TLE1: variants seen among roughly 807,000 people sequenced by gnomAD.
TLE1 encodes TLE family member 1, transcriptional corepressor, also known as transducin-like enhancer protein 1.
In TLE1, 21 loss-of-function variants were observed where a neutral mutation model predicts 89.8. The observed-to-expected ratio is 0.23, with a 90% CI of 0.17 to 0.34. TLE1 has a LOEUF of 0.34. Among genes scored for constraint, TLE1 ranks in the 10% least tolerant of loss-of-function variants. The probability of loss-of-function intolerance (pLI) is 1.00; values close to 1 mark genes in which losing one functional copy is unlikely to be tolerated. For missense variants in TLE1, 795 were observed against 1,031.2 expected, an observed-to-expected ratio of 0.77 and a Z score of 3.14; for synonymous variants, 447 against 407.6, an observed-to-expected ratio of 1.10 and a Z score of -1.16.
chr9:81,597,770 G>A (rs1389171172), intron 14 of TLE1, among the ~76,000 whole-genome samples: 1 of 152,174 alleles, frequency 6.6e-6, no homozygotes, highest in African/African-American at 2.4e-5. Context: ...TTAAGAGCAA[G>A]GGGCTTTTCA....
At chr9:81,666,977 G>A (rs1052914620) in intron 4 of TLE1, among the ~76,000 whole-genome samples, 1 of 151,688 alleles carries the variant, frequency 6.6e-6, no homozygotes, top group Admixed American at 6.6e-5. Flanking sequence ...AAAATTAGCC[G>A]GGTGTGGTGG....
chr9:81,592,272 G>A (rs992812830), intron 15 of TLE1, among the ~76,000 whole-genome samples: 12 of 152,204 alleles, frequency 7.9e-5, no homozygotes, highest in Non-Finnish European at 1.0e-4. Flanking sequence ...GCAGGAGAAC[G>A]GCGTAAACCC....
rs376585098 is a variant in TLE1 at position 81,620,576 on chromosome 9, A to G, written c.595-19T>C. The G allele has an allele frequency of 1.1e-4, 177 of 1,598,816 alleles. No homozygotes were observed. In the African/African-American group the frequency reaches 2.1e-3, roughly 19 times the overall value. On this transcript the variant is annotated intron_variant, in intron 8 of 19. Transcript: ENST00000376499. Reference sequence around the variant, plus strand: ...AATTACTCTGCAAGACAAAAAAATTAATCAAAGATTTCTTCCCAAGCCTCT... The same window carrying G: ...AATTACTCTGCAAGACAAAAAAATTGATCAAAGATTTCTTCCCAAGCCTCT...
In TLE1 at chr9:81,651,665, AATG is replaced by A. The variant is rs1215459614; in HGVS notation, c.372+546_372+548del. On this transcript the variant is annotated intron_variant, in intron 6 of 19. Transcript: ENST00000376499. ...GCAAAAAGCAAGGATAACTAAATGA[AATG>A]ATAATTCAGAGACCCATTTTGACCT... 1.1e-3 allele frequency among the ~76,000 whole-genome samples: 163 copies of A among 152,324 alleles called. 1 individual carries two copies. The highest frequency in any genetic ancestry group is 3.8e-3 in the African/African-American group (156 of 41,570).
In TLE1 at chr9:81,611,808, G is replaced by T. The variant is rs756514936; in HGVS notation, c.1215C>A (p.Ala405=). 10 of 1,549,528 alleles carry T rather than the reference G, an allele frequency of 6.5e-6. No homozygotes were observed. Among genetic ancestry groups the T allele is most frequent in the Non-Finnish European group, 7.8e-6 (9 of 1,155,078 alleles). ...CGTAGGCCACCACGGCGGCCGCGGCGGCTGCGGCGCTCATCTGGGGCGACA... is the reference window on the plus strand; with the variant it reads ...CGTAGGCCACCACGGCGGCCGCGGCTGCTGCGGCGCTCATCTGGGGCGACA... The part of the protein sequence containing the change: ...HNMSPQMSAA[A]AAAAVVAYGR... The change falls in exon 13 of 20, where the codon GCC becomes GCA. Residue 405 remains alanine (A), a synonymous_variant. Transcript: ENST00000376499.
chr9:81,667,105 G>C (rs1221263902), intron 4 of TLE1, among the ~76,000 whole-genome samples: 2 of 152,096 alleles, frequency 1.3e-5, no homozygotes, highest in African/African-American at 4.8e-5. Context: ...CTGGGCAACA[G>C]AGTGAGATAA....
chr9:81,591,971 C>A (rs1829589836), intron 15 of TLE1, among the ~76,000 whole-genome samples: 1 of 152,222 alleles, frequency 6.6e-6, no homozygotes, highest in Admixed American at 6.5e-5. Flanking sequence ...AGAGTGCAGG[C>A]AGACACCACA....
chr9:81,599,564 G>A (rs181208497), intron 14 of TLE1, among the ~76,000 whole-genome samples: 94 of 152,282 alleles, frequency 6.2e-4, no homozygotes, highest in African/African-American at 2.2e-3. Context: ...GGGAGGAATA[G>A]TGACATGGGG....
intron 4 of TLE1, among the ~76,000 whole-genome samples, chr9:81,671,270 T>C (rs900877565): frequency 4.6e-5 from 7 of 152,098 alleles, no homozygotes; most frequent in African/African-American, 1.4e-4. Flanking sequence ...TCCCAGCACT[T>C]TGGAAGGCTG....
intron 3 of TLE1, 46 bp downstream of exon 3, chr9:81,685,787 G>A: frequency 6.2e-7 from 1 of 1,611,950 alleles, no homozygotes; most frequent in South Asian, 1.1e-5. Context: ...TAACACGTTT[G>A]CTAATATCAT....
chr9:81,650,108 C>T (rs561574032), intron 6 of TLE1, among the ~76,000 whole-genome samples: 1 of 152,318 alleles, frequency 6.6e-6, no homozygotes, highest in African/African-American at 2.4e-5. Flanking sequence ...CAGAGCTAAC[C>T]TGCCTTTATA....
chr9:81,648,165 G>A (rs565040837), intron 6 of TLE1, among the ~76,000 whole-genome samples: 9 of 151,446 alleles, frequency 5.9e-5, no homozygotes, highest in South Asian at 4.2e-4. Context: ...CCAGCTACTC[G>A]GGCGGCTGAG....
At chr9:81,609,305 G>A (rs1264084876) in intron 14 of TLE1, among the ~76,000 whole-genome samples, 2 of 152,006 alleles carry the variant, frequency 1.3e-5, no homozygotes, top group African/African-American at 2.4e-5. Flanking sequence ...GGCTGGTCTC[G>A]AACCCCCGAC....
In TLE1 at chr9:81,634,801, C is replaced by A. The variant is rs77035433; in HGVS notation, c.373-500G>T. Among the ~76,000 whole-genome samples the A allele has an allele frequency of 9.8e-3, 1,487 of 152,184 alleles. 26 individuals carry two copies. Among genetic ancestry groups the A allele is most frequent in the African/African-American group, 0.034 (1,402 of 41,518 alleles). On this transcript the variant is annotated intron_variant, in intron 6 of 19. Transcript: ENST00000376499. ...CACAATATAGTAGCCATACTCTCAACCTGTCACCAGGTAACTCCATTTCAC... is the reference window on the plus strand; with the variant it reads ...CACAATATAGTAGCCATACTCTCAAACTGTCACCAGGTAACTCCATTTCAC...
intron 8 of TLE1, chr9:81,620,777 T>G: frequency 1.0e-6 from 1 of 976,360 alleles, no homozygotes; most frequent in Non-Finnish European, 1.2e-6. Context: ...CAAAGCTAGG[T>G]GGATTCTTCA....
At chr9:81,590,308 C>A (rs886669336) in intron 16 of TLE1, among the ~76,000 whole-genome samples, 1 of 152,216 alleles carries the variant, frequency 6.6e-6, no homozygotes, top group African/African-American at 2.4e-5. Context: ...GGTGGAACCA[C>A]CCCTGGGCAG....
intron 6 of TLE1, among the ~76,000 whole-genome samples, chr9:81,638,800 T>A (rs1390705801): frequency 6.6e-6 from 1 of 152,150 alleles, no homozygotes; most frequent in Non-Finnish European, 1.5e-5. Flanking sequence ...AATTTTTGTA[T>A]TTTTAGTAGA....
chr9:81,592,611 G>A (rs1275831752), intron 15 of TLE1, among the ~76,000 whole-genome samples: 1 of 152,066 alleles, frequency 6.6e-6, no homozygotes, highest in African/African-American at 2.4e-5. Context: ...GTTCAGAATG[G>A]TTTTTATGCC....
rs1046600914 is a variant in TLE1, at chr9:81,688,444, G to A, written c.-204C>T. On this transcript the variant is annotated 5_prime_UTR_variant, in exon 1 of 20. Coordinates refer to ENST00000376499, the MANE Select transcript of TLE1 (RefSeq NM_005077.5). ...TCCCGCTCCCGTCGGTGCGGGCTCC[G>A]GCCCTCAGGGCCACATTAGTGGGCG... 12 of 499,296 alleles carry A rather than the reference G, an allele frequency of 2.4e-5. 1 individual carries two copies. Among genetic ancestry groups the A allele is most frequent in the African/African-American group, 1.4e-4 (7 of 48,852 alleles). 30.9% of individuals were successfully genotyped at this position (499,296 alleles called of 1,614,324 possible). A position where few individuals can be genotyped will look rare whatever the true frequency, so the allele number is the denominator to read the frequency against.
Sources: allele counts gnomAD v4.1 joint callset (sites outside exome capture counted in the v4.1 genomes callset), GRCh38; gene constraint gnomAD v4.1.1; transcripts MANE v1.5; gene names NCBI Gene and HGNC (gene_info 2026-07-23, HGNC 2026-07-21).